Variants in RADX observed in about 807,000 individuals in gnomAD.
The protein encoded by RADX is RPA1 related single stranded DNA binding protein, X-linked.
Under a neutral mutation model 61.6 loss-of-function variants are expected in RADX, and 36 were observed. The observed-to-expected ratio is 0.58, with a 90% CI of 0.45 to 0.77. The LOEUF (loss-of-function observed/expected upper bound fraction) is 0.77. Ranked by LOEUF, RADX falls within the 30% of genes least tolerant of loss-of-function variation. The pLI is 0.00. For synonymous variants in RADX, 272 were observed against 237.9 expected (o/e 1.14, Z -1.32); for missense variants, 497 against 651.1 (o/e 0.76, Z 2.58).
intron 13 of RADX, among the ~76,000 whole-genome samples, chrX:106,672,477 ACTCT>A (rs202133930): frequency 0.024 from 2,524 of 104,985 alleles, 27 homozygotes; most frequent in Non-Finnish European, 0.037. Flanking sequence ...TCCCAAAGAT[ACTCT>A]CTCTCTCTCT....
chrX:106,635,668 G>A (rs1927341963), intron 6 of RADX, among the ~76,000 whole-genome samples: 1 of 111,955 alleles, frequency 8.9e-6, no homozygotes, highest in South Asian at 3.6e-4. Context: ...ATGTACAGTT[G>A]TGCTCTGGAG....
At chrX:106,673,466 G>C (rs1353935613) in intron 13 of RADX, among the ~76,000 whole-genome samples, 2 of 110,123 alleles carry the variant, frequency 1.8e-5, no homozygotes, top group Non-Finnish European at 3.8e-5. Context: ...ACTGACTGGT[G>C]CCCTATCCTG....
At chrX:106,666,248 C>T (rs746044994) in intron 12 of RADX, among the ~76,000 whole-genome samples, 74 of 111,938 alleles carry the variant, frequency 6.6e-4, no homozygotes, top group Non-Finnish European at 1.2e-3. Flanking sequence ...ATTGGCTCTA[C>T]TAACACTAAT....
intron 11 of RADX, among the ~76,000 whole-genome samples, chrX:106,660,657 A>AT (rs1002855998): frequency 1.1e-4 from 12 of 110,214 alleles, no homozygotes; most frequent in Admixed American, 1.9e-4. Flanking sequence ...TCCAAAATCA[A>AT]TTTTTTTTTC....
Position 106,621,643 on chromosome X carries a change from G to A in RADX, c.644-1008G>A, listed in dbSNP as rs1044045230. ...TTTCTAAGTAAATTATATGGCATAT[G>A]AGAAGATAGTAAGTGCAATGTAGAA... is the stretch of plus-strand genomic sequence containing the variant. On this transcript the variant is annotated intron_variant, in intron 1 of 13. Coordinates refer to ENST00000372548, the MANE Select transcript of RADX (RefSeq NM_018015.6). Among the ~76,000 whole-genome samples the A allele has an allele frequency of 8.9e-5, 10 of 112,010 alleles. No homozygotes were observed. The Admixed American group carries it at 9.5e-4, about 11-fold the overall frequency.
intron 1 of RADX, among the ~76,000 whole-genome samples, chrX:106,618,247 T>A (rs181293313): frequency 9.0e-6 from 1 of 111,342 alleles, no homozygotes; most frequent in Admixed American, 9.5e-5. Context: ...TTTTTTTTAA[T>A]GGATTTGAAA....
chrX:106,677,030 C>T (rs1390409467), intron 13 of RADX, among the ~76,000 whole-genome samples: 1 of 112,305 alleles, frequency 8.9e-6, no homozygotes, highest in Non-Finnish European at 1.9e-5. Context: ...CCCAGCTGCA[C>T]TGGCTACTAT....
intron 13 of RADX, among the ~76,000 whole-genome samples, chrX:106,676,103 G>A (rs1312271563): frequency 2.7e-5 from 3 of 111,741 alleles, no homozygotes; most frequent in Non-Finnish European, 5.6e-5. Flanking sequence ...GTCAAAATAC[G>A]ATAACAATTA....
chrX:106,654,486 A>G (rs1927884995), intron 11 of RADX, among the ~76,000 whole-genome samples: 1 of 111,391 alleles, frequency 9.0e-6, no homozygotes, highest in Non-Finnish European at 1.9e-5. Flanking sequence ...GACAAACCTG[A>G]CAAAAACAAG....
In RADX at chrX:106,679,081, AT is replaced by A. The variant is rs1928583290; in HGVS notation, c.*827del. On this transcript the variant is annotated 3_prime_UTR_variant, in exon 14 of 14. Transcript: ENST00000372548. Reference sequence around the variant, plus strand: ...TTATTCTGGTTGTCTATAATACTTCATTTTAAATGTAAATGGCCACTCTGCA... The same window carrying A: ...TTATTCTGGTTGTCTATAATACTTCATTTAAATGTAAATGGCCACTCTGCA... 2.7e-5 allele frequency: 3 copies of A among 112,324 alleles called. No homozygotes were observed. The highest frequency in any genetic ancestry group is 5.6e-5 in the Non-Finnish European group (3 of 53,240). The allele number at this position is 112,324 out of a possible 1,213,427, so 9.3% of individuals were successfully genotyped here.
chrX:106,643,895 C>A (rs1246941748), intron 10 of RADX, among the ~76,000 whole-genome samples: 1 of 111,158 alleles, frequency 9.0e-6, no homozygotes, highest in African/African-American at 3.3e-5. Context: ...TAAATTGATT[C>A]TTCCAATACA....
chrX:106,673,889 C>T, intron 13 of RADX, among the ~76,000 whole-genome samples: 1 of 111,173 alleles, frequency 9.0e-6, no homozygotes, highest in South Asian at 3.9e-4. Flanking sequence ...ATGCTCCATC[C>T]ATGAGCAGGC....
intron 13 of RADX, among the ~76,000 whole-genome samples, chrX:106,674,012 A>G (rs982420943): frequency 1.5e-4 from 17 of 110,728 alleles, no homozygotes; most frequent in Admixed American, 1.5e-3. Flanking sequence ...TGCTCTCTGT[A>G]CCCTGCCATG....
intron 1 of RADX, among the ~76,000 whole-genome samples, chrX:106,617,081 G>A (rs1210952666): frequency 2.3e-5 from 2 of 87,439 alleles, no homozygotes; most frequent in African/African-American, 9.1e-5. Context: ...CTGGATCACT[G>A]GCGTGATCTC....
chrX:106,663,682 C>A (rs1370910110), intron 12 of RADX, among the ~76,000 whole-genome samples: 1 of 111,210 alleles, frequency 9.0e-6, no homozygotes, highest in Non-Finnish European at 1.9e-5. Flanking sequence ...CCCCATTTAC[C>A]CTGATGTGAT....
intron 10 of RADX, among the ~76,000 whole-genome samples, chrX:106,642,195 TAAG>T (rs1927530450): frequency 9.0e-6 from 1 of 111,253 alleles, no homozygotes; most frequent in Admixed American, 9.6e-5. Flanking sequence ...CAATGTGAAA[TAAG>T]AATGTCATGG....
chrX:106,629,241 A>G (rs1235687832), intron 3 of RADX, among the ~76,000 whole-genome samples: 1 of 111,450 alleles, frequency 9.0e-6, no homozygotes, highest in Non-Finnish European at 1.9e-5. Flanking sequence ...TTAGAGCTGG[A>G]AGGGACCTTG....
intron 2 of RADX, 45 bp from the exon 3 acceptor site, chrX:106,625,045 T>A (rs1243278961): frequency 1.1e-6 from 1 of 951,429 alleles, no homozygotes; most frequent in African/African-American, 1.9e-5. Context: ...TCTGTACAGA[T>A]AAAAGTGACA....
chrX:106,675,292 A>G (rs1283313364), intron 13 of RADX, among the ~76,000 whole-genome samples: 5 of 112,259 alleles, frequency 4.5e-5, no homozygotes, highest in Non-Finnish European at 7.5e-5. Context: ...GTATTACAAT[A>G]TCTATAGGAC....
Sources: gnomAD v4.1 joint callset for allele counts (sites outside exome capture counted in the v4.1 genomes callset) on GRCh38, gnomAD v4.1.1 for gene constraint, MANE v1.5 for transcripts, NCBI Gene and HGNC (gene_info 2026-07-23, HGNC 2026-07-21) for gene names.